Variants in VWC2 observed in about 807,000 individuals in gnomAD.
VWC2 encodes brorin.
In VWC2, 14 loss-of-function variants were observed where a neutral mutation model predicts 29.8. The ratio of observed to expected loss-of-function variants is 0.47; its 90% CI spans 0.31 to 0.74. VWC2 has a LOEUF of 0.74. VWC2 is among the 30% of genes least tolerant of loss of function. The probability of loss-of-function intolerance (pLI) is 0.05; values close to 1 mark genes in which losing one functional copy is unlikely to be tolerated. For missense variants in VWC2, 457 were observed against 459.8 expected, an observed-to-expected ratio of 0.99 and a Z score of 0.05; for synonymous variants, 213 against 199.0, an observed-to-expected ratio of 1.07 and a Z score of -0.59.
rs200452451 is a variant in VWC2 at position 49,859,785 on chromosome 7, T to TGC, written c.827-52247_827-52246dup. 6.1e-3 allele frequency among the ~76,000 whole-genome samples: 489 copies of TGC among 79,988 alleles called. 1 individual carries two copies. The highest frequency in any genetic ancestry group is 9.9e-3 in the South Asian group (26 of 2,620). The allele number at this position is 79,988 out of a possible 152,430, so 52.5% of individuals were successfully genotyped here. On this transcript the variant is annotated intron_variant, in intron 3 of 3. Transcript: ENST00000340652. ...TACTTGATGTGTCTTACAGTGCGCG[T>TGC]GCGTGCACACACACACACACACACA...
intron 3 of VWC2, among the ~76,000 whole-genome samples, chr7:49,907,310 C>A (rs1793156631): frequency 6.6e-6 from 1 of 152,088 alleles, no homozygotes; most frequent in South Asian, 2.1e-4. Flanking sequence ...ACAGATGGAC[C>A]TGACTCTATA....
chr7:49,779,195 CCT>C (rs1284722691), intron 2 of VWC2, among the ~76,000 whole-genome samples: 3 of 152,140 alleles, frequency 2.0e-5, no homozygotes, highest in Admixed American at 6.5e-5. Context: ...GCGGTTTCTC[CCT>C]GTCTTCATAG....
intron 3 of VWC2, among the ~76,000 whole-genome samples, chr7:49,833,404 A>C (rs186264553): frequency 6.6e-6 from 1 of 152,350 alleles, no homozygotes; most frequent in Admixed American, 6.5e-5. Context: ...TAAGCCAATC[A>C]CTGAGATAAC....
rs558958513 is a variant in VWC2, at chr7:49,921,467, G to C, written c.*9282G>C. 15 of 152,174 alleles carry C rather than the reference G, an allele frequency of 9.9e-5. No homozygotes were observed. Among genetic ancestry groups the C allele is most frequent in the Non-Finnish European group, 1.8e-4 (12 of 68,038 alleles). 9.4% of individuals were successfully genotyped at this position (152,174 alleles called of 1,614,324 possible). On this transcript the variant is annotated 3_prime_UTR_variant, in exon 4 of 4. Coordinates refer to ENST00000340652, the MANE Select transcript of VWC2 (RefSeq NM_198570.5). ...TAAAGACTTTGGCCTTTGGAGGTCT[G>C]ATTCTAATCCCAGTTCTACCACTTA... is the stretch of plus-strand genomic sequence containing the variant.
intron 3 of VWC2, among the ~76,000 whole-genome samples, chr7:49,873,365 G>A (rs7811866): frequency 0.032 from 4,823 of 152,210 alleles, 120 homozygotes; most frequent in Middle Eastern, 0.054. Flanking sequence ...GGGAGAGCAG[G>A]AGCTCTCTTG....
Position 49,775,315 on chromosome 7 carries a change from C to A in VWC2, c.-103-18C>A. ...GCGCGGGCCGCGGGGCTCAGTTGTG[C>A]TGCTGTTCTCTCCGCAGGGACGGCG... On this transcript the variant is annotated intron_variant, in intron 1 of 3. Coordinates refer to ENST00000340652, the MANE Select transcript of VWC2 (RefSeq NM_198570.5). 2 of 617,146 alleles carry A rather than the reference C, an allele frequency of 3.2e-6. No individual in the cohort carries two copies. Among genetic ancestry groups the A allele is most frequent in the Non-Finnish European group, 4.5e-6 (2 of 442,348 alleles). The allele number at this position is 617,146 out of a possible 1,614,324, so 38.2% of individuals were successfully genotyped here.
At chr7:49,827,223 T>C (rs113277888) in intron 3 of VWC2, among the ~76,000 whole-genome samples, 4 of 152,206 alleles carry the variant, frequency 2.6e-5, no homozygotes, top group Admixed American at 6.5e-5. Context: ...TAAGTACTTT[T>C]CTGTATTCTC....
intron 3 of VWC2, among the ~76,000 whole-genome samples, chr7:49,858,666 G>GCA (rs1337763644): frequency 6.6e-6 from 1 of 151,700 alleles, no homozygotes; most frequent in South Asian, 2.1e-4. Flanking sequence ...TAACAAACCT[G>GCA]CGTTGTGCAC....
intron 3 of VWC2, among the ~76,000 whole-genome samples, chr7:49,823,678 G>C (rs1789321576): frequency 6.6e-6 from 1 of 152,160 alleles, no homozygotes; most frequent in South Asian, 2.1e-4. Flanking sequence ...CAAACTGCCT[G>C]CATAAAGGAA....
intron 3 of VWC2, among the ~76,000 whole-genome samples, chr7:49,873,049 TATG>T (rs1204338353): frequency 1.2e-4 from 18 of 150,962 alleles, no homozygotes; most frequent in Non-Finnish European, 2.7e-4. Context: ...ACAAGAATGA[TATG>T]AAGAAAAAAT....
chr7:49,837,583 T>G (rs1406883103), intron 3 of VWC2, among the ~76,000 whole-genome samples: 1 of 152,206 alleles, frequency 6.6e-6, no homozygotes. Context: ...GTCATGGCAC[T>G]TGCTGGATTT....
intron 3 of VWC2, among the ~76,000 whole-genome samples, chr7:49,880,330 A>G (rs924150832): frequency 6.6e-6 from 1 of 151,982 alleles, no homozygotes; most frequent in Non-Finnish European, 1.5e-5. Context: ...GCTGAATTCT[A>G]TGTATTTTCC....
chr7:49,916,175 A>T lies in VWC2; in HGVS notation c.*3990A>T, dbSNP rs1435931479. ...TATTATTTTAGTTTTCTAAATGTAG[A>T]TCTAGTTTTCAACTGAATTCTTTGA... On this transcript the variant is annotated 3_prime_UTR_variant, in exon 4 of 4. Transcript: ENST00000340652. The T allele has an allele frequency of 6.6e-6, 1 of 152,194 alleles. No individual in the cohort carries two copies. Among genetic ancestry groups the T allele is most frequent in the Non-Finnish European group, 1.5e-5 (1 of 68,028 alleles). The allele number at this position is 152,194 out of a possible 1,614,324, so 9.4% of individuals were successfully genotyped here. A position where few individuals can be genotyped will look rare whatever the true frequency, so the allele number is the denominator to read the frequency against.
intron 3 of VWC2, among the ~76,000 whole-genome samples, chr7:49,877,223 A>T (rs1355601088): frequency 1.3e-5 from 2 of 151,674 alleles, no homozygotes; most frequent in Non-Finnish European, 2.9e-5. Context: ...GCACTTTGGG[A>T]GGCCGAAGCA....
At chr7:49,870,413 A>T (rs1357639084) in intron 3 of VWC2, among the ~76,000 whole-genome samples, 1 of 152,226 alleles carries the variant, frequency 6.6e-6, no homozygotes, top group Non-Finnish European at 1.5e-5. Flanking sequence ...AAAATAAAAA[A>T]ATAAAAATTG....
chr7:49,779,596 T>C (rs1036399171), intron 2 of VWC2, among the ~76,000 whole-genome samples: 1 of 151,968 alleles, frequency 6.6e-6, no homozygotes, highest in Non-Finnish European at 1.5e-5. Flanking sequence ...TTTTTTTTTT[T>C]CAGTAAAGGA....
rs148276137 is a variant in VWC2, at chr7:49,912,158, C to T, written c.951C>T (p.Cys317=). The T allele has an allele frequency of 9.0e-5, 146 of 1,613,950 alleles. No homozygotes were observed. The highest frequency in any genetic ancestry group is 3.5e-4 in the South Asian group (32 of 91,070). The change falls in exon 4 of 4, where the codon TGC becomes TGT. Residue 317 remains cysteine, a synonymous_variant. Transcript: ENST00000340652. ...GTWRIERQAM[C]TRHECRQM ...GGAGAATCGAGCGGCAGGCCATGTG[C>T]ACGAGACATGAATGCAGGCAAATGT...
intron 3 of VWC2, among the ~76,000 whole-genome samples, chr7:49,875,676 T>C (rs1013372563): frequency 6.6e-6 from 1 of 152,092 alleles, no homozygotes; most frequent in African/African-American, 2.4e-5. Context: ...CTCACTTTCC[T>C]CCTCTTTGCA....
chr7:49,775,420 C>CCGGGGG lies in VWC2; in HGVS notation c.-16_-15insCGGGGG. On this transcript the variant is annotated 5_prime_UTR_variant, in exon 2 of 4. Transcript: ENST00000340652. ...CCGCGCTCCCCGCCCGCCCGCCCGC[C>CCGGGGG]GGGACGTGGTAGGGGATGCCCAGCT... 7.5e-7 allele frequency: 1 copy of CCGGGGG among 1,337,520 alleles called. No individual in the cohort carries two copies. The highest frequency in any genetic ancestry group is 9.6e-7 in the Non-Finnish European group (1 of 1,045,458). 82.9% of individuals were successfully genotyped at this position (1,337,520 alleles called of 1,614,324 possible). A position where few individuals can be genotyped will look rare whatever the true frequency, so the allele number is the denominator to read the frequency against.
Sources: allele counts gnomAD v4.1 joint callset (sites outside exome capture counted in the v4.1 genomes callset), GRCh38; gene constraint gnomAD v4.1.1; transcripts MANE v1.5; gene names NCBI Gene and HGNC (gene_info 2026-07-23, HGNC 2026-07-21).